Variants in VCAM1 observed in about 807,000 individuals in gnomAD.
VCAM1 encodes vascular cell adhesion protein 1.
VCAM1 carries 41 observed loss-of-function variants against 63.8 expected under a neutral mutation model. That is an observed-to-expected ratio of 0.64 (90% CI 0.50 to 0.83). VCAM1 has a LOEUF of 0.83. Among genes scored for constraint, VCAM1 ranks in the 40% least tolerant of loss-of-function variants. The probability of loss-of-function intolerance (pLI) is 0.00; values close to 1 mark genes in which losing one functional copy is unlikely to be tolerated. For synonymous variants in VCAM1, 338 were observed against 320.7 expected, an observed-to-expected ratio of 1.05 and a Z score of -0.58; for missense variants, 798 against 875.5, an observed-to-expected ratio of 0.91 and a Z score of 1.12.
Position 100,724,842 on chromosome 1 carries a change from G to A in VCAM1, c.880G>A (p.Val294Ile), listed in dbSNP as rs1442560617. The change falls in exon 4 of 9, where the codon GTT becomes ATT. Residue 294 changes from valine to isoleucine, a missense_variant. Coordinates refer to ENST00000294728, the MANE Select transcript of VCAM1 (RefSeq NM_001078.4). ...TTCTGGAATTTATGTGTGTGAAGGA[G>A]TTAATTTGATTGGGAAAAACAGAAA... ...EDSGIYVCEG[V>I]NLIGKNRKEV... 3 of 1,612,774 alleles carry A rather than the reference G, an allele frequency of 1.9e-6. No homozygotes were observed. In the African/African-American group the frequency reaches 4.0e-5, roughly 22 times the overall value.
chr1:100,733,210 A>G (rs1368561137), intron 7 of VCAM1, among the ~76,000 whole-genome samples: 1 of 152,198 alleles, frequency 6.6e-6, no homozygotes, highest in Non-Finnish European at 1.5e-5. Flanking sequence ...AAGTCAACAG[A>G]TCTAGGCCCC....
intron 7 of VCAM1, among the ~76,000 whole-genome samples, chr1:100,733,152 C>T (rs3181088): frequency 0.13 from 19,622 of 152,220 alleles, 1,710 homozygotes; most frequent in Non-Finnish European, 0.18. Flanking sequence ...GCCATGACTC[C>T]GTCCTTTGGT....
Position 100,732,501 on chromosome 1 carries a change from C to T in VCAM1, c.1609C>T (p.Gln537Ter). 6.2e-7 allele frequency: 1 copy of T among 1,613,096 alleles called. No individual in the cohort carries two copies. Among genetic ancestry groups the T allele is most frequent in the Non-Finnish European group, 8.5e-7 (1 of 1,179,588 alleles). Residue 537 changes from glutamine to a stop codon, truncating the protein, a stop_gained, in exon 7 of 9, where the codon CAG becomes TAG. Coordinates refer to ENST00000294728, the MANE Select transcript of VCAM1 (RefSeq NM_001078.4). LOFTEE classifies it high-confidence loss of function. ...TTCTGTGAATATGACATGCTTGAGC[C>T]AGGGCTTTCCTGCTCCGAAAATCCT... is the stretch of plus-strand genomic sequence containing the variant. ...GSSVNMTCLS[Q>*]GFPAPKILWS...
chr1:100,729,106 G>T lies in VCAM1; in HGVS notation c.929-1G>T. On this transcript the variant is annotated splice_acceptor_variant, in intron 4 of 8. Coordinates refer to ENST00000294728, the MANE Select transcript of VCAM1 (RefSeq NM_001078.4). LOFTEE classifies it high-confidence loss of function. Reference sequence around the variant, plus strand: ...CATCTTGTTTTCCACCTGTGTCCCAGAGAAACCATTTACTGTTGAGATCTC... The same window carrying T: ...CATCTTGTTTTCCACCTGTGTCCCATAGAAACCATTTACTGTTGAGATCTC... 1.3e-6 allele frequency: 2 copies of T among 1,523,456 alleles called. No homozygotes were observed. Among genetic ancestry groups the T allele is most frequent in the Non-Finnish European group, 1.8e-6 (2 of 1,133,220 alleles). The allele number at this position is 1,523,456 out of a possible 1,614,324, so 94.4% of individuals were successfully genotyped here. A position where few individuals can be genotyped will look rare whatever the true frequency, so the allele number is the denominator to read the frequency against.
rs1242332504 is a variant in VCAM1 at position 100,724,685 on chromosome 1, T to C, written c.723T>C (p.Ser241=). The change falls in exon 4 of 9, where the codon TCT becomes TCC. Residue 241 remains serine, a synonymous_variant. Transcript: ENST00000294728. ...NPSTKLQEGG[S]VTMTCSSEGL... is the part of the protein sequence containing the mutation. ...CCACAAAGCTGCAAGAAGGTGGCTC[T>C]GTGACCATGACCTGTTCCAGCGAGG... The C allele has an allele frequency of 2.3e-5, 37 of 1,613,110 alleles. No individual in the cohort carries two copies. Among genetic ancestry groups the C allele is most frequent in the Non-Finnish European group, 3.1e-5 (37 of 1,179,434 alleles).
At chr1:100,728,444 C>T (rs1316077559) in intron 4 of VCAM1, among the ~76,000 whole-genome samples, 1 of 152,022 alleles carries the variant, frequency 6.6e-6, no homozygotes, top group African/African-American at 2.4e-5. Context: ...TCCAGTACCT[C>T]TTTTAGACCA....
chr1:100,729,663 G>A (rs1660359496), intron 5 of VCAM1, among the ~76,000 whole-genome samples: 1 of 152,092 alleles, frequency 6.6e-6, no homozygotes, highest in African/African-American at 2.4e-5. Flanking sequence ...GGAGGTGAGT[G>A]CATTGGGGTC....
intron 7 of VCAM1, 29 bp from the exon 8 acceptor site, chr1:100,734,473 C>A: frequency 6.3e-7 from 1 of 1,591,066 alleles, no homozygotes; most frequent in East Asian, 2.2e-5. Flanking sequence ...TTCACTCAAT[C>A]AGGGATGTCT....
intron 2 of VCAM1, among the ~76,000 whole-genome samples, chr1:100,721,635 C>T (rs993067836): frequency 6.6e-6 from 1 of 151,984 alleles, no homozygotes; most frequent in Admixed American, 6.6e-5. Context: ...TCAACTTTTC[C>T]CAGTAACCTT....
At chr1:100,727,706 T>C (rs1660222412) in intron 4 of VCAM1, among the ~76,000 whole-genome samples, 1 of 152,042 alleles carries the variant, frequency 6.6e-6, no homozygotes, top group African/African-American at 2.4e-5. Flanking sequence ...ACTTGAGAAA[T>C]GTTCACAGAC....
chr1:100,719,952 A>T, intron 1 of VCAM1, 28 bp downstream of exon 1: 3 of 1,602,572 alleles, frequency 1.9e-6, no homozygotes, highest in Non-Finnish European at 2.6e-6. Context: ...ATCTGTTTCA[A>T]ATGTTAGCAT....
chr1:100,734,859 C>A, intron 8 of VCAM1, 91 bp downstream of exon 8: 1 of 1,424,102 alleles, frequency 7.0e-7, no homozygotes. Context: ...AATGAGTTGG[C>A]AAAATGGAGC....
rs1422669287 is a variant in VCAM1, at chr1:100,738,645, A to G, written c.*362A>G. The stretch of plus-strand genomic sequence containing the variant: ...AGTGTTGCTTGGACTATTATAATTT[A>G]ATGCATGTTAGGAAAATTTCACATT... On this transcript the variant is annotated 3_prime_UTR_variant, in exon 9 of 9. Coordinates refer to ENST00000294728, the MANE Select transcript of VCAM1 (RefSeq NM_001078.4). The G allele has an allele frequency of 4.5e-5, 7 of 154,974 alleles. No individual in the cohort carries two copies. In the Admixed American group the frequency reaches 4.5e-4, roughly 10 times the overall value. 9.6% of individuals were successfully genotyped at this position (154,974 alleles called of 1,614,324 possible). A position where few individuals can be genotyped will look rare whatever the true frequency, so the allele number is the denominator to read the frequency against.
intron 5 of VCAM1, among the ~76,000 whole-genome samples, chr1:100,730,701 T>C (rs903855317): frequency 1.3e-5 from 2 of 152,104 alleles, no homozygotes; most frequent in African/African-American, 4.8e-5. Context: ...CTAGGTATAA[T>C]GTGTGAAGAA....
At chr1:100,733,737 A>G (rs1422819533) in intron 7 of VCAM1, among the ~76,000 whole-genome samples, 2 of 152,220 alleles carry the variant, frequency 1.3e-5, no homozygotes, top group African/African-American at 4.8e-5. Flanking sequence ...AAAAAGCCAC[A>G]TCTGTACAGC....
At chr1:100,727,536 T>C (rs544003462) in intron 4 of VCAM1, among the ~76,000 whole-genome samples, 30 of 152,208 alleles carry the variant, frequency 2.0e-4, no homozygotes, top group African/African-American at 7.2e-4. Flanking sequence ...GACATGTATT[T>C]TGGGGCTGGG....
chr1:100,730,047 A>G (rs577536183), intron 5 of VCAM1, among the ~76,000 whole-genome samples: 53 of 152,266 alleles, frequency 3.5e-4, no homozygotes, highest in African/African-American at 1.3e-3. Context: ...CTCAGTCCAT[A>G]TTGAATGAAG....
chr1:100,723,245 T>C lies in VCAM1; in HGVS notation c.566T>C (p.Ile189Thr). The stretch of plus-strand genomic sequence containing the variant: ...ACCTTTACTCCTGTCATTGAGGATA[T>C]TGGAAAAGTTCTTGTTTGCCGAGCT... The part of the protein sequence containing the change: ...EVTFTPVIED[I>T]GKVLVCRAKL... Residue 189 changes from isoleucine to threonine, a missense_variant, in exon 3 of 9, where the codon ATT becomes ACT. By Grantham distance (89) the Ile-to-Thr change is moderately conservative. Transcript: ENST00000294728. The C allele has an allele frequency of 6.2e-7, 1 of 1,613,044 alleles. No individual in the cohort carries two copies. The highest frequency in any genetic ancestry group is 1.1e-5 in the South Asian group (1 of 91,062).
At chr1:100,726,331 T>A (rs1660159638) in intron 4 of VCAM1, among the ~76,000 whole-genome samples, 1 of 152,096 alleles carries the variant, frequency 6.6e-6, no homozygotes, top group African/African-American at 2.4e-5. Context: ...ATATAATCAA[T>A]CTTATGCACT....
Sources: gnomAD v4.1 joint callset for allele counts (sites outside exome capture counted in the v4.1 genomes callset) on GRCh38, gnomAD v4.1.1 for gene constraint, MANE v1.5 for transcripts, NCBI Gene and HGNC (gene_info 2026-07-23, HGNC 2026-07-21) for gene names.